The following MEGF6 variants were observed in gnomAD, a reference collection of about 807,000 sequenced individuals.
MEGF6 encodes multiple epidermal growth factor-like domains protein 6.
A neutral mutation model predicts 207.1 loss-of-function variants in MEGF6; 184 were observed. The ratio of observed to expected loss-of-function variants is 0.89; its 90% confidence interval spans 0.79 to 1.00. The LOEUF (loss-of-function observed/expected upper bound fraction) is 1.00, where lower values mean the gene tolerates loss of function less well. MEGF6 is among the 50% of genes least tolerant of loss of function. The pLI, the probability that MEGF6 is intolerant of heterozygous loss-of-function variation, is 0.00. For synonymous variants in MEGF6, 1,038 were observed against 910.0 expected (o/e 1.14, Z -2.53); for missense variants, 2,282 against 2,202.9 (o/e 1.04, Z -0.72).
chr1:3,606,229 G>A (rs1644248158), intron 1 of MEGF6, among the ~76,000 whole-genome samples: 1 of 152,156 alleles, frequency 6.6e-6, no homozygotes. Flanking sequence ...GCCTCTCCTG[G>A]GAACCTGCAG....
Position 3,494,006 on chromosome 1 carries a change from G to A in MEGF6, c.4248C>T (p.Phe1416=), listed in dbSNP as rs1237433811. ...GCACCAAGCACTCACCCCTCTCACA[G>A]AAGTGGCCGTGGAAGCCGGCAGGGC... is the stretch of plus-strand genomic sequence containing the variant. The part of the protein sequence containing the change: ...CLCPAGFHGH[F]CERGCEPGSF... The change falls in exon 33 of 37, where the codon TTC becomes TTT. Residue 1416 remains phenylalanine (F), a synonymous_variant. Coordinates refer to ENST00000356575, the MANE Select transcript of MEGF6 (RefSeq NM_001409.4). 7 of 1,602,338 alleles carry A rather than the reference G, an allele frequency of 4.4e-6. No individual in the cohort carries two copies. Among genetic ancestry groups the A allele is most frequent in the Non-Finnish European group, 5.1e-6 (6 of 1,175,530 alleles).
chr1:3,498,948 G>T, intron 24 of MEGF6, 122 bp from the exon 25 acceptor site: 2 of 1,429,462 alleles, frequency 1.4e-6, no homozygotes, highest in Non-Finnish European at 1.9e-6. Flanking sequence ...GCTGCCCCTA[G>T]GATGACCTGC....
intron 29 of MEGF6, among the ~76,000 whole-genome samples, chr1:3,496,256 C>T (rs900892659): frequency 6.6e-6 from 1 of 152,244 alleles, no homozygotes; most frequent in East Asian, 1.9e-4. Flanking sequence ...CCCCGCCCAC[C>T]CCGCCAGCTC....
chr1:3,514,646 C>T lies in MEGF6; in HGVS notation c.757G>A (p.Gly253Ser), dbSNP rs374444211. ...ACCTGGCACCTGTGCATGCAGCTGC[C>T]GTTCCTGTTGGCACACGGGCTTCTA... ...VRRSPCANRN[G>S]SCMHRCQVVR... is the part of the protein sequence containing the mutation. The change falls in exon 7 of 37, where the codon GGC becomes AGC. Residue 253 changes from glycine to serine, a missense_variant. Coordinates refer to ENST00000356575, the MANE Select transcript of MEGF6 (RefSeq NM_001409.4). 1.2e-4 allele frequency: 188 copies of T among 1,582,620 alleles called. No homozygotes were observed. The highest frequency in any genetic ancestry group is 3.5e-4 in the Middle Eastern group (2 of 5,730).
At chr1:3,511,293 G>C (rs556938891) in intron 9 of MEGF6, among the ~76,000 whole-genome samples, 1 of 152,330 alleles carries the variant, frequency 6.6e-6, no homozygotes, top group East Asian at 1.9e-4. Context: ...TACTGAGGAG[G>C]TGCTGATGGG....
Position 3,546,561 on chromosome 1 carries a change from G to A in MEGF6, c.482-22315C>T, listed in dbSNP as rs577708286. Among the ~76,000 whole-genome samples the A allele has an allele frequency of 1.6e-3, 247 of 151,152 alleles. 1 individual carries two copies. The highest frequency in any genetic ancestry group is 5.5e-3 in the African/African-American group (224 of 41,002). Reference sequence around the variant, plus strand: ...GCGGGGTGGCAGTGGGCTGGGAAGGGGGCTGCCAGGGAGGCCGCTGAGGCG... The same window carrying A: ...GCGGGGTGGCAGTGGGCTGGGAAGGAGGCTGCCAGGGAGGCCGCTGAGGCG... On this transcript the variant is annotated intron_variant, in intron 4 of 36. Coordinates refer to ENST00000356575, the MANE Select transcript of MEGF6 (RefSeq NM_001409.4).
intron 2 of MEGF6, among the ~76,000 whole-genome samples, chr1:3,601,570 T>A (rs1246361305): frequency 6.6e-6 from 1 of 152,152 alleles, no homozygotes; most frequent in African/African-American, 2.4e-5. Context: ...TGTGCTGAGA[T>A]GCTCAGCAGC....
Position 3,511,670 on chromosome 1 carries a change from C to G in MEGF6, c.994G>C (p.Val332Leu). 1 of 1,608,902 alleles carries G rather than the reference C, an allele frequency of 6.2e-7. No homozygotes were observed. Among genetic ancestry groups the G allele is most frequent in the Non-Finnish European group, 8.5e-7 (1 of 1,176,624 alleles). ...RQCYRIEMEI[V>L]NSCEANNGGC... The stretch of plus-strand genomic sequence containing the variant: ...CCGTTGTTGGCCTCACAGCTGTTCA[C>G]GATTTCCATCTCAATCCCTGCCGTG... The change falls in exon 9 of 37, where the codon GTG (valine) becomes CTG (leucine). Residue 332 changes from valine (V) to leucine (L), a missense_variant. Physicochemically the swap from Val to Leu is conservative, Grantham distance 32 (BLOSUM62 1). Transcript: ENST00000356575.
At chr1:3,572,028 G>C (rs1643514248) in intron 4 of MEGF6, among the ~76,000 whole-genome samples, 1 of 141,168 alleles carries the variant, frequency 7.1e-6, no homozygotes, top group Non-Finnish European at 1.5e-5. Context: ...GAGTGTGCTA[G>C]GTCCTTCCCG....
At chr1:3,587,883 TGGCCAGGAGG>T (rs1643914419) in intron 3 of MEGF6, among the ~76,000 whole-genome samples, 1 of 5,508 alleles carries the variant, frequency 1.8e-4, no homozygotes, top group Non-Finnish European at 5.2e-4. Context: ...TGGCCAGGAG[TGGCCAGGAGG>T]GGGCAGGAGT....
At chr1:3,511,514 G>A (rs763692455) in intron 9 of MEGF6, 36 bp downstream of exon 9, 3 of 1,577,610 alleles carry the variant, frequency 1.9e-6, no homozygotes, top group South Asian at 1.1e-5. Context: ...GGTCCCTGGA[G>A]TGGGGTGCAG....
chr1:3,559,541 A>AG (rs1238741514), intron 4 of MEGF6, among the ~76,000 whole-genome samples: 1 of 150,386 alleles, frequency 6.6e-6, no homozygotes. Flanking sequence ...AAAAAAAAAA[A>AG]AAAAAAGAAG....
intron 5 of MEGF6, among the ~76,000 whole-genome samples, chr1:3,521,309 G>A (rs1641738093): frequency 6.6e-6 from 1 of 152,180 alleles, no homozygotes; most frequent in African/African-American, 2.4e-5. Context: ...AGGCAGTGGA[G>A]GGCGAAGGGT....
chr1:3,549,124 C>G (rs1642807011), intron 4 of MEGF6, among the ~76,000 whole-genome samples: 1 of 152,204 alleles, frequency 6.6e-6, no homozygotes, highest in African/African-American at 2.4e-5. Context: ...GGTGATCTGT[C>G]CCCAGCCAGA....
chr1:3,577,683 G>A (rs1643679668), intron 4 of MEGF6, among the ~76,000 whole-genome samples: 1 of 152,226 alleles, frequency 6.6e-6, no homozygotes, highest in East Asian at 1.9e-4. Context: ...GAGAGTCTGT[G>A]ACACAGAAGT....
At chr1:3,562,938 G>C (rs1010009706) in intron 4 of MEGF6, among the ~76,000 whole-genome samples, 2 of 152,214 alleles carry the variant, frequency 1.3e-5, no homozygotes, top group African/African-American at 4.8e-5. Context: ...AAGGACGGTG[G>C]GCTGTCCTCA....
chr1:3,606,231 A>T (rs1486731890), intron 1 of MEGF6, among the ~76,000 whole-genome samples: 2 of 152,208 alleles, frequency 1.3e-5, no homozygotes, highest in Non-Finnish European at 2.9e-5. Context: ...CTCTCCTGGG[A>T]ACCTGCAGAA....
intron 10 of MEGF6, 49 bp downstream of exon 10, chr1:3,510,734 G>A (rs79653272): frequency 0.096 from 150,391 of 1,564,416 alleles, 8,287 homozygotes; most frequent in Admixed American, 0.18. Flanking sequence ...CCTTAGGGCA[G>A]CCCTGCTCCC....
At chr1:3,596,267 C>T (rs577122972) in intron 2 of MEGF6, among the ~76,000 whole-genome samples, 10 of 151,998 alleles carry the variant, frequency 6.6e-5, no homozygotes, top group East Asian at 1.9e-4. Flanking sequence ...CCCCAGGAGA[C>T]GGCAGTGTCC....
Sources: gnomAD v4.1 joint callset for allele counts (sites outside exome capture counted in the v4.1 genomes callset) on GRCh38, gnomAD v4.1.1 for gene constraint, MANE v1.5 for transcripts, NCBI Gene and HGNC (gene_info 2026-07-23, HGNC 2026-07-21) for gene names.